The following DACH2 variants were observed in gnomAD, a reference collection of about 807,000 sequenced individuals.
The protein encoded by DACH2 is dachshund homolog 2.
In DACH2, 17 loss-of-function variants were observed where a neutral mutation model predicts 35.8. The observed-to-expected ratio is 0.48, with a 90% CI of 0.33 to 0.71. The LOEUF is 0.71. Ranked by LOEUF, DACH2 falls within the 30% of genes least tolerant of loss-of-function variation. The pLI is 0.02. For missense variants in DACH2, 469 were observed against 472.7 expected, an observed-to-expected ratio of 0.99 and a Z score of 0.07; for synonymous variants, 195 against 177.3, an observed-to-expected ratio of 1.10 and a Z score of -0.79.
intron 3 of DACH2, among the ~76,000 whole-genome samples, chrX:86,603,510 A>G (rs746182155): frequency 2.8e-4 from 31 of 110,601 alleles, no homozygotes; most frequent in Non-Finnish European, 5.5e-4. Context: ...ATCTCATCTA[A>G]ATCATCTATG....
intron 2 of DACH2, among the ~76,000 whole-genome samples, chrX:86,468,019 C>T (rs2037701721): frequency 1.8e-5 from 2 of 111,154 alleles, no homozygotes; most frequent in Admixed American, 1.9e-4. Flanking sequence ...TGTAGCCAAA[C>T]CATATCACTA....
chrX:86,568,015 A>G (rs1314638342), intron 3 of DACH2, among the ~76,000 whole-genome samples: 1 of 111,611 alleles, frequency 9.0e-6, no homozygotes, highest in Non-Finnish European at 1.9e-5. Context: ...ACATGGGAGT[A>G]GCTTAAATGC....
At chrX:86,356,779 CA>C (rs2035650504) in intron 1 of DACH2, among the ~76,000 whole-genome samples, 1 of 110,898 alleles carries the variant, frequency 9.0e-6, no homozygotes, top group Middle Eastern at 4.6e-3. Context: ...AATATTTTTT[CA>C]AGCTGTCTTT....
At chrX:86,728,009 GAC>G (rs1436939011) in intron 6 of DACH2, among the ~76,000 whole-genome samples, 4 of 111,939 alleles carry the variant, frequency 3.6e-5, no homozygotes, top group Non-Finnish European at 7.5e-5. Context: ...CTCAAAATAA[GAC>G]AGAAAAATGA....
intron 3 of DACH2, among the ~76,000 whole-genome samples, chrX:86,627,004 A>G (rs1046629472): frequency 8.9e-5 from 10 of 112,491 alleles, no homozygotes; most frequent in African/African-American, 3.2e-4. Context: ...TTTCTCTCAG[A>G]AAGTGTTTTT....
At chrX:86,498,035 C>T (rs1353196200) in intron 2 of DACH2, among the ~76,000 whole-genome samples, 1 of 110,787 alleles carries the variant, frequency 9.0e-6, no homozygotes, top group Non-Finnish European at 1.9e-5. Context: ...CTGTAGTAGA[C>T]AGTGGGGACT....
chrX:86,384,243 A>T (rs1233100111), intron 2 of DACH2, among the ~76,000 whole-genome samples: 1 of 111,210 alleles, frequency 9.0e-6, no homozygotes, highest in Non-Finnish European at 1.9e-5. Context: ...AATGGGGAAC[A>T]TATCATTAAT....
At chrX:86,588,980 A>G (rs1464873822) in intron 3 of DACH2, among the ~76,000 whole-genome samples, 1 of 111,747 alleles carries the variant, frequency 8.9e-6, no homozygotes, top group Non-Finnish European at 1.9e-5. Flanking sequence ...CCCATTCAGC[A>G]TGATGTTGGC....
intron 3 of DACH2, among the ~76,000 whole-genome samples, chrX:86,611,808 G>T (rs2039949192): frequency 9.0e-6 from 1 of 111,457 alleles, no homozygotes; most frequent in African/African-American, 3.3e-5. Flanking sequence ...GGCAACGGTG[G>T]TGTCAGTGAT....
intron 1 of DACH2, among the ~76,000 whole-genome samples, chrX:86,171,558 G>C (rs147531165): frequency 9.0e-6 from 1 of 111,539 alleles, no homozygotes; most frequent in African/African-American, 3.3e-5. Flanking sequence ...TCTTACTAGG[G>C]CTGGTTTAAA....
At chrX:86,752,414 T>G (rs1476650658) in intron 7 of DACH2, among the ~76,000 whole-genome samples, 1 of 111,376 alleles carries the variant, frequency 9.0e-6, no homozygotes, top group Non-Finnish European at 1.9e-5. Flanking sequence ...GAGAAATAAA[T>G]AAATAGATAT....
chrX:86,684,722 T>A (rs1312296996), intron 4 of DACH2, among the ~76,000 whole-genome samples: 1 of 110,658 alleles, frequency 9.0e-6, no homozygotes, highest in African/African-American at 3.3e-5. Flanking sequence ...TGTATATTTT[T>A]AAAAATTTTC....
intron 7 of DACH2, among the ~76,000 whole-genome samples, chrX:86,762,958 C>A (rs940736693): frequency 2.7e-5 from 3 of 111,393 alleles, no homozygotes; most frequent in African/African-American, 9.8e-5. Flanking sequence ...CCCAATACCC[C>A]CTACCATTCC....
At chrX:86,306,393 A>T (rs1422064264) in intron 1 of DACH2, among the ~76,000 whole-genome samples, 1 of 111,990 alleles carries the variant, frequency 8.9e-6, no homozygotes, top group Non-Finnish European at 1.9e-5. Flanking sequence ...AACCTAAATA[A>T]GTTGATGTCT....
chrX:86,356,371 A>G (rs1443805974), intron 1 of DACH2, among the ~76,000 whole-genome samples: 2 of 107,784 alleles, frequency 1.9e-5, no homozygotes, highest in Admixed American at 2.0e-4. Context: ...TGAGTTCTCT[A>G]TTCTGTTCTA....
chrX:86,203,833 TAG>T (rs1224569986), intron 1 of DACH2, among the ~76,000 whole-genome samples: 1 of 111,026 alleles, frequency 9.0e-6, no homozygotes. Flanking sequence ...AAGACAAGAA[TAG>T]AGTTTGGGAG....
At chrX:86,264,599 G>A (rs759939438) in intron 1 of DACH2, among the ~76,000 whole-genome samples, 109 of 111,691 alleles carry the variant, frequency 9.8e-4, no homozygotes, top group African/African-American at 3.3e-3. Flanking sequence ...GGTTAAATGG[G>A]TAGTTCAATC....
At chrX:86,829,039 T>C (rs1052899669) in intron 11 of DACH2, 2 of 112,151 alleles carry the variant, frequency 1.8e-5, no homozygotes, top group Non-Finnish European at 3.8e-5. Context: ...TGGCAGTACA[T>C]GCAATTTCTG....
intron 3 of DACH2, among the ~76,000 whole-genome samples, chrX:86,572,116 A>G (rs1375662323): frequency 9.0e-6 from 1 of 111,099 alleles, no homozygotes; most frequent in African/African-American, 3.3e-5. Flanking sequence ...AGGGGGAGGG[A>G]TAGCATTAGG....
Sources: allele counts gnomAD v4.1 joint callset (sites outside exome capture counted in the v4.1 genomes callset), GRCh38; gene constraint gnomAD v4.1.1; transcripts MANE v1.5; gene names NCBI Gene and HGNC (gene_info 2026-07-23, HGNC 2026-07-21).